The following RPS6KA2 variants were observed in gnomAD, a reference collection of about 807,000 sequenced individuals.
RPS6KA2 encodes the protein ribosomal protein S6 kinase alpha-2.
A neutral mutation model predicts 91.8 loss-of-function variants in RPS6KA2; 42 were observed. The observed-to-expected ratio is 0.46, with a 90% CI of 0.36 to 0.59. The LOEUF (loss-of-function observed/expected upper bound fraction) is 0.59, where lower values mean the gene tolerates loss of function less well. Ranked by LOEUF, RPS6KA2 falls within the 20% of genes least tolerant of loss-of-function variation. The pLI is 0.00. For synonymous variants in RPS6KA2, 414 were observed against 393.6 expected (o/e 1.05, Z -0.61); for missense variants, 798 against 978.5 (o/e 0.82, Z 2.46).
At chr6:166,482,573 C>T (rs1781267552) in intron 10 of RPS6KA2, among the ~76,000 whole-genome samples, 1 of 152,208 alleles carries the variant, frequency 6.6e-6, no homozygotes, top group African/African-American at 2.4e-5. Context: ...GACAGGGAGC[C>T]ACTCAGTTAA....
chr6:166,825,195 G>A lies in RPS6KA2; in HGVS notation c.123+33005C>T, dbSNP rs1287417896. 2.0e-5 allele frequency among the ~76,000 whole-genome samples: 3 copies of A among 152,278 alleles called. No homozygotes were observed. The highest frequency in any genetic ancestry group is 7.2e-5 in the African/African-American group (3 of 41,480). On this transcript the variant is annotated intron_variant, in intron 2 of 21. Coordinates refer to the RPS6KA2 transcript ENST00000503859. This position sits in a 1 kb window ranked among gnomAD's most constrained non-coding sequence, Gnocchi z 4.1. ...TCCCCACAAATGGGGGCTCTGAGTT[G>A]AGGGGTGCTGGATGCTGAGGGGAGG...
chr6:166,551,983 T>C (rs773106452), intron 1 of RPS6KA2, among the ~76,000 whole-genome samples: 3 of 152,218 alleles, frequency 2.0e-5, no homozygotes, highest in Non-Finnish European at 2.9e-5. Flanking sequence ...GCAGACCGCC[T>C]TCCGACACAG....
chr6:166,673,705 CT>C, intron 2 of RPS6KA2, among the ~76,000 whole-genome samples: 1 of 152,374 alleles, frequency 6.6e-6, no homozygotes, highest in East Asian at 1.9e-4. Context: ...AATTTGTAAA[CT>C]TTCTAAAAAT....
chr6:166,550,831 T>C (rs892528264), intron 1 of RPS6KA2, among the ~76,000 whole-genome samples: 1 of 151,616 alleles, frequency 6.6e-6, no homozygotes, highest in Non-Finnish European at 1.5e-5. Context: ...TGAAACCCCG[T>C]CTCTACTAAA....
intron 2 of RPS6KA2, among the ~76,000 whole-genome samples, chr6:166,754,767 G>A (rs1024000157): frequency 1.3e-5 from 2 of 152,106 alleles, no homozygotes; most frequent in African/African-American, 4.8e-5. Context: ...AGTGTAGACA[G>A]GTAGAGGTCC....
In RPS6KA2 at chr6:166,660,172, A is replaced by C. The variant is rs139530075; in HGVS notation, c.124-121388T>G. On this transcript the variant is annotated intron_variant, in intron 2 of 21. Transcript: ENST00000503859. ...ACTACTTTCAATAGCTCATTGTTTC[A>C]TAAATTAGATGGATACATGATGCCA... Among the ~76,000 whole-genome samples the C allele has an allele frequency of 2.8e-3, 429 of 152,304 alleles. 2 individuals are homozygous for C. The highest frequency in any genetic ancestry group is 0.01 in the African/African-American group (416 of 41,574).
At chr6:166,503,761 T>C (rs1306343835) in intron 6 of RPS6KA2, among the ~76,000 whole-genome samples, 1 of 152,202 alleles carries the variant, frequency 6.6e-6, no homozygotes, top group Non-Finnish European at 1.5e-5. Flanking sequence ...AAAGAATATG[T>C]AAAAACAACA....
chr6:166,597,462 G>A (rs1785573985), intron 1 of RPS6KA2, among the ~76,000 whole-genome samples: 1 of 152,242 alleles, frequency 6.6e-6, no homozygotes, highest in East Asian at 1.9e-4. Context: ...CGGCAGTGGA[G>A]CGGGTGCTGG....
rs190033235 is a variant in RPS6KA2 at position 166,550,806 on chromosome 6, T to G, written c.100-12022A>C. 2.9e-3 allele frequency among the ~76,000 whole-genome samples: 443 copies of G among 151,950 alleles called. 3 individuals carry two copies. The highest frequency in any genetic ancestry group is 7.2e-3 in the African/African-American group (299 of 41,454). On this transcript the variant is annotated intron_variant, in intron 1 of 20. Coordinates refer to ENST00000265678, the MANE Select transcript of RPS6KA2 (RefSeq NM_021135.6). ...TCACAAGGTCAGGAGATCGACACCATCCTGGCTAACACGGTGAAACCCCGT... is the reference window on the plus strand; with the variant it reads ...TCACAAGGTCAGGAGATCGACACCAGCCTGGCTAACACGGTGAAACCCCGT...
At chr6:166,637,954 T>C (rs1047219642) in intron 2 of RPS6KA2, among the ~76,000 whole-genome samples, 2 of 152,164 alleles carry the variant, frequency 1.3e-5, no homozygotes, top group African/African-American at 4.8e-5. Flanking sequence ...TGAGGAATCG[T>C]GGTTGAACAC....
At chr6:166,731,943 G>C (rs780161945) in intron 2 of RPS6KA2, among the ~76,000 whole-genome samples, 4 of 152,062 alleles carry the variant, frequency 2.6e-5, no homozygotes, top group Non-Finnish European at 5.9e-5. Context: ...AGCCTGATTT[G>C]TTCTTTAGTC....
intron 1 of RPS6KA2, among the ~76,000 whole-genome samples, chr6:166,576,781 G>A (rs1022562282): frequency 1.4e-4 from 21 of 152,196 alleles, no homozygotes; most frequent in Admixed American, 5.9e-4. Flanking sequence ...AATTCAAGCC[G>A]GTTGAGGAAA....
chr6:166,510,261 T>C lies in RPS6KA2; in HGVS notation c.379+16A>G, dbSNP rs890348157. On this transcript the variant is annotated intron_variant, in intron 4 of 20. Transcript: ENST00000265678. Reference sequence around the variant, plus strand: ...GCCCTGGGTCCTCTTTAAAGTGTCATTTTGACTCTACTTACCATAATGAAG... The same window carrying C: ...GCCCTGGGTCCTCTTTAAAGTGTCACTTTGACTCTACTTACCATAATGAAG... The C allele has an allele frequency of 2.0e-6, 3 of 1,537,624 alleles. No homozygotes were observed. Among genetic ancestry groups the C allele is most frequent in the Middle Eastern group, 1.7e-4 (1 of 5,932 alleles).
chr6:166,857,810 T>G (rs1780945357), intron 2 of RPS6KA2, among the ~76,000 whole-genome samples: 1 of 152,162 alleles, frequency 6.6e-6, no homozygotes, highest in African/African-American at 2.4e-5. Context: ...ATCAGACATT[T>G]TAAGCAGCTG....
At chr6:166,851,244 T>C (rs1780734120) in intron 2 of RPS6KA2, among the ~76,000 whole-genome samples, 1 of 152,136 alleles carries the variant, frequency 6.6e-6, no homozygotes, top group Non-Finnish European at 1.5e-5. Flanking sequence ...ACGCCACCAG[T>C]CCTCAGGGGC....
At chr6:166,794,652 A>G (rs1779178038) in intron 2 of RPS6KA2, among the ~76,000 whole-genome samples, 2 of 151,038 alleles carry the variant, frequency 1.3e-5, no homozygotes, top group South Asian at 4.2e-4. Flanking sequence ...TGGCACATAT[A>G]CACCATGGAA....
At chr6:166,790,066 G>A (rs1021335680) in intron 2 of RPS6KA2, among the ~76,000 whole-genome samples, 1 of 152,178 alleles carries the variant, frequency 6.6e-6, no homozygotes, top group African/African-American at 2.4e-5. Flanking sequence ...ACTACTCTGA[G>A]CTACAGAAGG....
intron 2 of RPS6KA2, among the ~76,000 whole-genome samples, chr6:166,703,391 G>A (rs1285548675): frequency 6.6e-6 from 1 of 152,198 alleles, no homozygotes; most frequent in East Asian, 1.9e-4. Context: ...CTCCTACACG[G>A]GGTTCAATTA....
chr6:166,593,077 C>T (rs147534841), intron 1 of RPS6KA2, among the ~76,000 whole-genome samples: 3 of 152,220 alleles, frequency 2.0e-5, no homozygotes, highest in Non-Finnish European at 2.9e-5. Flanking sequence ...AGGAGAAAGG[C>T]GCAGGACACA....
Sources: gnomAD v4.1 joint callset for allele counts (sites outside exome capture counted in the v4.1 genomes callset) on GRCh38, gnomAD v4.1.1 for gene constraint, Gnocchi (gnomAD v3.1) non-coding constraint, MANE v1.5 for transcripts, NCBI Gene and HGNC (gene_info 2026-07-23, HGNC 2026-07-21) for gene names.